Variants in MBD5 observed in about 807,000 individuals in gnomAD.
MBD5 encodes methyl-CpG-binding domain protein 5.
Under a neutral mutation model 117.3 loss-of-function variants are expected in MBD5, and 13 were observed. That is an observed-to-expected ratio of 0.11 (90% CI 0.07 to 0.18). The LOEUF is 0.18. Ranked by LOEUF, MBD5 falls within the 10% of genes least tolerant of loss-of-function variation. MBD5 has a pLI of 1.00. For synonymous variants in MBD5, 727 were observed against 766.4 expected (o/e 0.95, Z 0.85); for missense variants, 1,879 against 2,093.8 (o/e 0.90, Z 2.00).
intron 3 of MBD5, among the ~76,000 whole-genome samples, chr2:148,334,976 G>C (rs1404659041): frequency 1.3e-5 from 2 of 152,084 alleles, no homozygotes; most frequent in African/African-American, 4.8e-5. Context: ...ATGTAAGGGT[G>C]TTTATTACTC....
At chr2:148,443,933 C>T (rs1706410954) in intron 4 of MBD5, among the ~76,000 whole-genome samples, 1 of 151,346 alleles carries the variant, frequency 6.6e-6, no homozygotes, top group Non-Finnish European at 1.5e-5. Context: ...AAATGCTTGA[C>T]ATGATGGATA....
At chr2:148,229,013 A>T (rs1699913094) in intron 2 of MBD5, among the ~76,000 whole-genome samples, 1 of 151,872 alleles carries the variant, frequency 6.6e-6, no homozygotes, top group African/African-American at 2.4e-5. Flanking sequence ...CTTCTTTATT[A>T]GTCTTGCTAG....
intron 4 of MBD5, among the ~76,000 whole-genome samples, chr2:148,386,949 G>T (rs1704390591): frequency 6.6e-6 from 1 of 151,940 alleles, no homozygotes; most frequent in East Asian, 1.9e-4. Context: ...AAAGCTTCAG[G>T]CCTACATGGC....
chr2:148,029,245 A>G (rs1427075838), intron 1 of MBD5, among the ~76,000 whole-genome samples: 1 of 151,892 alleles, frequency 6.6e-6, no homozygotes, highest in African/African-American at 2.4e-5. Context: ...TTTTACTAGA[A>G]GTAATATAGT....
At chr2:148,234,595 G>A (rs1476293911) in intron 3 of MBD5, among the ~76,000 whole-genome samples, 1 of 152,122 alleles carries the variant, frequency 6.6e-6, no homozygotes, top group Non-Finnish European at 1.5e-5. Context: ...AGTCAACAGA[G>A]TTTATGGAAC....
intron 1 of MBD5, among the ~76,000 whole-genome samples, chr2:148,050,949 A>C (rs1694682577): frequency 6.6e-6 from 1 of 152,150 alleles, no homozygotes; most frequent in Non-Finnish European, 1.5e-5. Flanking sequence ...CCCTTTCTGA[A>C]AATGAAAAAT....
At chr2:148,029,037 C>G (rs1041212025) in intron 1 of MBD5, among the ~76,000 whole-genome samples, 5 of 152,064 alleles carry the variant, frequency 3.3e-5, no homozygotes, top group Non-Finnish European at 7.4e-5. Flanking sequence ...AACATTCAAA[C>G]TTCAATTAAA....
At chr2:148,427,275 C>T (rs919886758) in intron 4 of MBD5, among the ~76,000 whole-genome samples, 1 of 152,088 alleles carries the variant, frequency 6.6e-6, no homozygotes, top group Non-Finnish European at 1.5e-5. Context: ...CTAGAAACAC[C>T]ATTCGACCCA....
chr2:148,161,025 T>G (rs1313852857), intron 1 of MBD5, among the ~76,000 whole-genome samples: 1 of 152,236 alleles, frequency 6.6e-6, no homozygotes. Context: ...TTTTCTTCTG[T>G]GTACTCTCTG....
chr2:148,239,860 G>A (rs1700175458), intron 3 of MBD5, among the ~76,000 whole-genome samples: 1 of 152,060 alleles, frequency 6.6e-6, no homozygotes, highest in African/African-American at 2.4e-5. Flanking sequence ...ACCATGCCCA[G>A]CTAATTTTTC....
chr2:148,127,266 C>T (rs970380204), intron 1 of MBD5, among the ~76,000 whole-genome samples: 2 of 152,102 alleles, frequency 1.3e-5, no homozygotes, highest in Admixed American at 1.3e-4. Context: ...GGGGTACTTG[C>T]GCAGGATATG....
At chr2:148,298,854 C>T (rs1701715991) in intron 3 of MBD5, among the ~76,000 whole-genome samples, 2 of 152,130 alleles carry the variant, frequency 1.3e-5, no homozygotes, top group Admixed American at 1.3e-4. Flanking sequence ...AACCTAAGTA[C>T]ACCTGTTTAT....
At chr2:148,506,775 G>C (rs1190089633) in intron 12 of MBD5, among the ~76,000 whole-genome samples, 1 of 152,194 alleles carries the variant, frequency 6.6e-6, no homozygotes, top group African/African-American at 2.4e-5. Context: ...AGGTTTTAGA[G>C]TGTCCATTAG....
chr2:148,470,022 G>C lies in MBD5; in HGVS notation c.2079G>C (p.Gln693His), dbSNP rs1250517904. Residue 693 changes from glutamine to histidine, a missense_variant, in exon 8 of 14, where the codon CAG becomes CAC. Physicochemically the swap from Gln to His is conservative, Grantham distance 24. Around this residue, in one of 4 missense-constraint regions of MBD5, gnomAD observed 1,666 missense variants for 1,792.2 expected, o/e 0.93. Transcript: ENST00000642680. ...CTGACTTGCTAAGGAAGCAGGGTCA[G>C]GGTTCATTTCCCATCAGTTCAATGT... is the stretch of plus-strand genomic sequence containing the variant. ...PGPDLLRKQG[Q>H]GSFPISSMSQ... 1 of 1,613,814 alleles carries C rather than the reference G, an allele frequency of 6.2e-7. No homozygotes were observed. The highest frequency in any genetic ancestry group is 8.5e-7 in the Non-Finnish European group (1 of 1,179,820).
At position 148,021,451 on chromosome 2, in the gene MBD5, T is replaced by TTGCTGCTGCTGTTGCTGC. The variant is rs1354964203; in HGVS notation, c.-1129_-1112dup. On this transcript the variant is annotated 5_prime_UTR_variant, in exon 1 of 14. Transcript: ENST00000642680. ...AAAGCCTCTTAGCAACACAGACCCT[T>TTGCTGCTGCTGTTGCTGC]TGCTGCTGCTGTTGCTGCTGCTGCT... 9.4e-4 allele frequency: 536 copies of TTGCTGCTGCTGTTGCTGC among 567,614 alleles called. 9 individuals are homozygous for TTGCTGCTGCTGTTGCTGC. Among genetic ancestry groups the TTGCTGCTGCTGTTGCTGC allele is most frequent in the South Asian group, 3.2e-3 (210 of 66,282 alleles). 35.2% of individuals were successfully genotyped at this position (567,614 alleles called of 1,614,324 possible). A position where few individuals can be genotyped will look rare whatever the true frequency, so the allele number is the denominator to read the frequency against.
intron 1 of MBD5, among the ~76,000 whole-genome samples, chr2:148,152,795 G>A (rs1481122528): frequency 6.6e-6 from 1 of 151,516 alleles, no homozygotes; most frequent in Non-Finnish European, 1.5e-5. Flanking sequence ...TTGCTTGGTA[G>A]ATCTTCCTCC....
At chr2:148,165,196 T>TTG (rs1698097415) in intron 1 of MBD5, among the ~76,000 whole-genome samples, 4 of 152,202 alleles carry the variant, frequency 2.6e-5, no homozygotes, top group Non-Finnish European at 5.9e-5. Flanking sequence ...CTGATTGTAT[T>TTG]TGTTCCTCTT....
Position 148,469,199 on chromosome 2 carries a change from A to C in MBD5, c.1256A>C (p.His419Pro). 1 of 1,614,052 alleles carries C rather than the reference A, an allele frequency of 6.2e-7. No homozygotes were observed. Among genetic ancestry groups the C allele is most frequent in the Non-Finnish European group, 8.5e-7 (1 of 1,179,972 alleles). The change falls in exon 8 of 14, where the codon CAT (histidine) becomes CCT (proline). Residue 419 changes from histidine (H) to proline (P), a missense_variant. By Grantham distance (77) the His-to-Pro change is moderately conservative. Around this residue, in one of 4 missense-constraint regions of MBD5, gnomAD observed 1,666 missense variants for 1,792.2 expected, o/e 0.93. Coordinates refer to ENST00000642680, the MANE Select transcript of MBD5 (RefSeq NM_001378120.1). ...LPTVKPGHMN[H>P]GSHVQRVQHS... ...ACTGTAAAACCTGGTCACATGAATC[A>C]TGGGAGTCATGTACAAAGAGTTCAG...
chr2:148,480,104 T>A (rs1386946192), intron 8 of MBD5, among the ~76,000 whole-genome samples: 3 of 152,082 alleles, frequency 2.0e-5, no homozygotes, highest in Non-Finnish European at 4.4e-5. Context: ...TACACCTGTT[T>A]GTTGTATAGA....
Sources: allele counts gnomAD v4.1 joint callset (sites outside exome capture counted in the v4.1 genomes callset), GRCh38; gene constraint gnomAD v4.1.1; regional missense constraint gnomAD v4.1.1; transcripts MANE v1.5; gene names NCBI Gene and HGNC (gene_info 2026-07-23, HGNC 2026-07-21).